The following ZNF552 variants were observed in gnomAD, a reference collection of about 807,000 sequenced individuals.
ZNF552 encodes zinc finger protein 552.
Under a neutral mutation model 7.2 loss-of-function variants are expected in ZNF552, and 2 were observed. That is an observed-to-expected ratio of 0.28 (90% CI 0.11 to 0.88). ZNF552 has a LOEUF of 0.88. ZNF552 is among the 40% of genes least tolerant of loss of function. The pLI, the probability that ZNF552 is intolerant of heterozygous loss-of-function variation, is 0.60. For missense variants in ZNF552, 421 were observed against 493.4 expected, an observed-to-expected ratio of 0.85 and a Z score of 1.39; for synonymous variants, 173 against 176.5, an observed-to-expected ratio of 0.98 and a Z score of 0.16.
intron 1 of ZNF552, among the ~76,000 whole-genome samples, chr19:57,814,006 T>C (rs1398934022): frequency 7.3e-5 from 11 of 151,636 alleles, no homozygotes; most frequent in Admixed American, 7.2e-4. Flanking sequence ...AGTGCTGGGA[T>C]TACAGGAGTG....
rs923318952 is a variant in ZNF552, at chr19:57,808,492, G to A, written c.772C>T (p.His258Tyr). Residue 258 changes from histidine to tyrosine, a missense_variant, in exon 3 of 3, where the codon CAT becomes TAT. Physicochemically the swap from His to Tyr is moderately conservative, Grantham distance 83. Coordinates refer to ENST00000391701, the MANE Select transcript of ZNF552 (RefSeq NM_024762.3). ...TTTTCTCTAGTGTGAACTCCTTGAT[G>A]ATTACTGAAGCTGTCATATTTGCTA... ...SSSKYDSFSN[H>Y]QGVHTREKPY... The A allele has an allele frequency of 3.7e-6, 6 of 1,613,860 alleles. No homozygotes were observed. The Admixed American group carries it at 8.3e-5, about 22-fold the overall frequency.
Position 57,813,417 on chromosome 19 carries a change from T to C in ZNF552, c.37A>G (p.Thr13Ala), listed in dbSNP as rs1568491554. The C allele has an allele frequency of 1.9e-6, 3 of 1,613,908 alleles. No individual in the cohort carries two copies. The highest frequency in any genetic ancestry group is 2.5e-6 in the Non-Finnish European group (3 of 1,179,888). ...ACAGCCACGTCTTCAAAAGTCACTG[T>C]GCCCTGTTATGATGTTGACAGATGA... Reference protein sequence around the residue: ...AAALRFPVQGTVTFEDVAVKF... With the variant: ...AAALRFPVQGAVTFEDVAVKF... The change falls in exon 2 of 3, where the codon ACA becomes GCA. Residue 13 changes from threonine (T) to alanine (A), a missense_variant. Transcript: ENST00000391701.
chr19:57,812,760 G>T (rs918915102), intron 2 of ZNF552, among the ~76,000 whole-genome samples: 2 of 152,088 alleles, frequency 1.3e-5, no homozygotes, highest in Admixed American at 6.5e-5. Flanking sequence ...GTAGAGATGG[G>T]GTTTCACCAT....
At chr19:57,810,843 T>C (rs1987841262) in intron 2 of ZNF552, among the ~76,000 whole-genome samples, 1 of 151,684 alleles carries the variant, frequency 6.6e-6, no homozygotes, top group Non-Finnish European at 1.5e-5. Flanking sequence ...AATTGTATAT[T>C]CCATATACTG....
chr19:57,812,712 G>T (rs1987880523), intron 2 of ZNF552, among the ~76,000 whole-genome samples: 1 of 152,154 alleles, frequency 6.6e-6, no homozygotes, highest in African/African-American at 2.4e-5. Flanking sequence ...AGGATTAAAA[G>T]CGTGTGCCAC....
intron 1 of ZNF552, 122 bp from the exon 2 acceptor site, chr19:57,813,542 T>A: frequency 7.2e-7 from 1 of 1,382,186 alleles, no homozygotes; most frequent in Non-Finnish European, 1.0e-6. Flanking sequence ...TAGGAGAAAC[T>A]AGGCCCACTG....
intron 1 of ZNF552, among the ~76,000 whole-genome samples, chr19:57,814,228 T>C (rs1987914752): frequency 6.6e-6 from 1 of 152,078 alleles, no homozygotes; most frequent in Non-Finnish European, 1.5e-5. Flanking sequence ...CAAAGTGTCA[T>C]CTCTACCACC....
Position 57,814,730 on chromosome 19 carries a change from G to A in ZNF552, c.14C>T (p.Ala5Val). Residue 5 changes from alanine to valine, a missense_variant, in exon 1 of 3, where the codon GCG becomes GTG. Coordinates refer to ENST00000391701, the MANE Select transcript of ZNF552 (RefSeq NM_024762.3). ...AATTACCTGAACGGGGAACCTTAGC[G>A]CGGCCGCCGCCATGGGACCACGTGG... The part of the protein sequence containing the change: MAAA[A>V]LRFPVQGTVT... 1.9e-6 allele frequency: 3 copies of A among 1,613,938 alleles called. No homozygotes were observed. Among genetic ancestry groups the A allele is most frequent in the Non-Finnish European group, 2.5e-6 (3 of 1,179,978 alleles).
Position 57,814,865 on chromosome 19 carries a change from AAC to A in ZNF552, c.-124_-123del, listed in dbSNP as rs1987931632. The A allele has an allele frequency of 9.5e-7, 1 of 1,048,374 alleles. No individual in the cohort carries two copies. The highest frequency in any genetic ancestry group is 1.4e-6 in the Non-Finnish European group (1 of 731,678). 64.9% of individuals were successfully genotyped at this position (1,048,374 alleles called of 1,614,324 possible). A position where few individuals can be genotyped will look rare whatever the true frequency, so the allele number is the denominator to read the frequency against. On this transcript the variant is annotated 5_prime_UTR_variant, in exon 1 of 3. Transcript: ENST00000391701. Reference sequence around the variant, plus strand: ...TGGATCCAGTCACCACCACGGTCCCAACACAGCGCTCCAAGGACTCCCTAACG... The same window carrying A: ...TGGATCCAGTCACCACCACGGTCCCAACAGCGCTCCAAGGACTCCCTAACG...
intron 2 of ZNF552, among the ~76,000 whole-genome samples, chr19:57,811,524 C>T (rs1987856202): frequency 6.6e-6 from 1 of 151,906 alleles, no homozygotes; most frequent in African/African-American, 2.4e-5. Context: ...CTCATTCCAC[C>T]TGACGAGAAA....
chr19:57,808,534 CA>C lies in ZNF552; in HGVS notation c.729del (p.Cys243TrpfsTer181). The C allele has an allele frequency of 1.2e-6, 2 of 1,614,058 alleles. No homozygotes were observed. The highest frequency in any genetic ancestry group is 2.2e-5 in the South Asian group (2 of 91,078). On this transcript the variant is annotated frameshift_variant, in exon 3 of 3. Coordinates refer to ENST00000391701, the MANE Select transcript of ZNF552 (RefSeq NM_024762.3). LOFTEE classifies it low-confidence loss of function (END_TRUNC). Reference protein sequence around the residue: ...LLPTEEPSVWCECGKSSSKYD... With the variant: ...LLPTEEPSVWXECGKSSSKYD... ...TATTTGCTAGAGGATTTCCCACATTCACACCACACAGAAGGTTCTTCTGTAG... is the reference window on the plus strand; with the variant it reads ...TATTTGCTAGAGGATTTCCCACATTCCACCACACAGAAGGTTCTTCTGTAG...
intron 2 of ZNF552, among the ~76,000 whole-genome samples, chr19:57,811,174 A>AT (rs944027580): frequency 1.6e-4 from 24 of 145,560 alleles, no homozygotes; most frequent in Admixed American, 1.6e-3. Context: ...TTTTTTTTTT[A>AT]TTTTTTATTC....
rs1987788968 is a variant in ZNF552 at position 57,808,581 on chromosome 19, CTGAGTA to C, written c.677_682del (p.Ile226_Leu227del). The C allele has an allele frequency of 1.9e-6, 3 of 1,614,078 alleles. No individual in the cohort carries two copies. The highest frequency in any genetic ancestry group is 1.6e-4 in the Middle Eastern group (1 of 6,084). ...TGTAGGGAGCAGTCTCTCGTGCTGA[CTGAGTA>C]TATCTTTGGTGCTAAAATGTTTCAT... On this transcript the variant is annotated inframe_deletion, in exon 3 of 3. Coordinates refer to ENST00000391701, the MANE Select transcript of ZNF552 (RefSeq NM_024762.3).
At chr19:57,814,640 C>A (rs1987924785) in intron 1 of ZNF552, 71 bp downstream of exon 1, 3 of 1,612,344 alleles carry the variant, frequency 1.9e-6, no homozygotes, top group African/African-American at 2.7e-5. Flanking sequence ...TAAACAGGTG[C>A]CGCTCCCTCG....
In ZNF552 at chr19:57,807,142, A is replaced by G. The variant is rs750258187; in HGVS notation, c.*898T>C. ...AATTCTAGAAAATGGAAAGTATTAT[A>G]CAGCAGAGTAAATCAATGGTTGTCT... On this transcript the variant is annotated 3_prime_UTR_variant, in exon 3 of 3. Coordinates refer to ENST00000391701, the MANE Select transcript of ZNF552 (RefSeq NM_024762.3). The G allele has an allele frequency of 6.6e-6, 1 of 152,242 alleles. No individual in the cohort carries two copies. The highest frequency in any genetic ancestry group is 1.5e-5 in the Non-Finnish European group (1 of 68,044). 9.4% of individuals were successfully genotyped at this position (152,242 alleles called of 1,614,324 possible).
At chr19:57,811,669 C>T (rs546373780) in intron 2 of ZNF552, among the ~76,000 whole-genome samples, 1 of 138,864 alleles carries the variant, frequency 7.2e-6, no homozygotes, top group Non-Finnish European at 1.5e-5. Flanking sequence ...TGAGCCAGAT[C>T]GCACCATTGC....
Position 57,813,304 on chromosome 19 carries a change from C to T in ZNF552, c.150G>A (p.Met50Ile). The T allele has an allele frequency of 5.0e-6, 8 of 1,614,060 alleles. No homozygotes were observed. In the South Asian group the frequency reaches 7.7e-5, roughly 16 times the overall value. ...RDVTLENLAL[M>I]SSLGCWCGVE... is the part of the protein sequence containing the mutation. ...GTGTGGGCAACTTACCCAGGGAGGA[C>T]ATAAGTGCCAGGTTCTCCAGCGTCA... is the stretch of plus-strand genomic sequence containing the variant. The change falls in exon 2 of 3, where the codon ATG becomes ATA. Residue 50 changes from methionine (M) to isoleucine (I), a missense_variant. Transcript: ENST00000391701.
Position 57,808,682 on chromosome 19 carries a change from C to T in ZNF552, c.582G>A (p.Lys194=), listed in dbSNP as rs2122137864. 1 of 1,614,224 alleles carries T rather than the reference C, an allele frequency of 6.2e-7. No homozygotes were observed. The highest frequency in any genetic ancestry group is 8.5e-7 in the Non-Finnish European group (1 of 1,180,038). ...LLQQEATHTG[K]SNSKTECVSL... is the part of the protein sequence containing the mutation. ...ACACACACTCAGTTTTGCTGTTTGA[C>T]TTCCCAGTGTGAGTGGCCTCTTGCT... The change falls in exon 3 of 3, where the codon AAG becomes AAA. Residue 194 remains lysine (K), a synonymous_variant. Coordinates refer to ENST00000391701, the MANE Select transcript of ZNF552 (RefSeq NM_024762.3).
At chr19:57,812,028 C>CAAAAA (rs35699223) in intron 2 of ZNF552, among the ~76,000 whole-genome samples, 7 of 63,758 alleles carry the variant, frequency 1.1e-4, no homozygotes, top group Non-Finnish European at 1.2e-4. Context: ...GACTCTGTCT[C>CAAAAA]AAAAAAAAAA....
Sources: allele counts gnomAD v4.1 joint callset (sites outside exome capture counted in the v4.1 genomes callset), GRCh38; gene constraint gnomAD v4.1.1; transcripts MANE v1.5; gene names NCBI Gene and HGNC (gene_info 2026-07-23, HGNC 2026-07-21).